Variants in NUP205 observed in about 807,000 individuals in gnomAD.
NUP205 encodes nuclear pore complex protein Nup205.
In NUP205, 76 loss-of-function variants were observed where a neutral mutation model predicts 253.8. The observed-to-expected ratio is 0.30, with a 90% CI of 0.25 to 0.36. NUP205 has a LOEUF of 0.36. NUP205 is among the 10% of genes least tolerant of loss of function. NUP205 has a pLI of 1.00. For missense variants in NUP205, 2,162 were observed against 2,425.5 expected, an observed-to-expected ratio of 0.89 and a Z score of 2.28; for synonymous variants, 832 against 850.1, an observed-to-expected ratio of 0.98 and a Z score of 0.37.
intron 38 of NUP205, among the ~76,000 whole-genome samples, chr7:135,639,860 A>G (rs1187691049): frequency 1.3e-5 from 2 of 152,254 alleles, no homozygotes; most frequent in Non-Finnish European, 2.9e-5. Context: ...CATATACACC[A>G]TGGAATACTA....
chr7:135,583,899 T>C (rs1385876412), intron 7 of NUP205, among the ~76,000 whole-genome samples: 2 of 151,000 alleles, frequency 1.3e-5, no homozygotes, highest in South Asian at 2.1e-4. Flanking sequence ...TGGCGTGCAA[T>C]GGCGTGATCG....
At position 135,573,829 on chromosome 7, in the gene NUP205, G is replaced by C. The variant is rs768857263; in HGVS notation, c.343+4G>C. The C allele has an allele frequency of 1.5e-5, 24 of 1,605,348 alleles. No homozygotes were observed. Among genetic ancestry groups the C allele is most frequent in the Admixed American group, 3.5e-5 (2 of 57,954 alleles). ...GCTGTTGAGCTTCTTCTTGCTGGTA[G>C]GTTGACATTTAACTGAAACAGTGGT... On this transcript the variant is annotated splice_donor_region_variant and intron_variant, in intron 3 of 42. Transcript: ENST00000285968.
At chr7:135,621,987 A>G (rs1442806342) in intron 30 of NUP205, among the ~76,000 whole-genome samples, 2 of 151,910 alleles carry the variant, frequency 1.3e-5, no homozygotes, top group East Asian at 3.9e-4. Context: ...TATTTTTAGT[A>G]GAGACGGGGT....
At chr7:135,605,341 T>A (rs1794064184) in intron 19 of NUP205, among the ~76,000 whole-genome samples, 1 of 152,174 alleles carries the variant, frequency 6.6e-6, no homozygotes, top group Admixed American at 6.5e-5. Context: ...TATTGTGTAG[T>A]CCTTCATAGA....
At chr7:135,604,539 A>C (rs1378556208) in intron 19 of NUP205, 79 bp downstream of exon 19, 1 of 1,347,798 alleles carries the variant, frequency 7.4e-7, no homozygotes, top group Non-Finnish European at 1.0e-6. Flanking sequence ...GTGTCTATGG[A>C]GGAATCATAT....
chr7:135,609,405 G>A lies in NUP205; in HGVS notation c.3195+2034G>A, dbSNP rs555916507. On this transcript the variant is annotated intron_variant, in intron 22 of 42. Transcript: ENST00000285968. ...AGGCAGGAGAATGGCGTGAACCCGGGAGGTGGAGCTTGCAGTGAGCCGAGA... is the reference window on the plus strand; with the variant it reads ...AGGCAGGAGAATGGCGTGAACCCGGAAGGTGGAGCTTGCAGTGAGCCGAGA... 1.3e-3 allele frequency among the ~76,000 whole-genome samples: 191 copies of A among 151,992 alleles called. 1 individual carries two copies. Among genetic ancestry groups the A allele is most frequent in the African/African-American group, 4.4e-3 (182 of 41,470 alleles).
At chr7:135,578,967 A>C in intron 7 of NUP205, 52 bp downstream of exon 7, 1 of 1,443,098 alleles carries the variant, frequency 6.9e-7, no homozygotes, top group Admixed American at 2.3e-5. Flanking sequence ...TTAGCACTTA[A>C]TGACATTTTT....
intron 34 of NUP205, 103 bp from the exon 35 acceptor site, chr7:135,630,241 A>T: frequency 1.2e-6 from 1 of 807,626 alleles, no homozygotes; most frequent in Non-Finnish European, 1.8e-6. Flanking sequence ...GTAAAGTTGA[A>T]GGTTACTTCC....
chr7:135,564,374 G>A (rs1805687189), intron 1 of NUP205, among the ~76,000 whole-genome samples: 1 of 151,546 alleles, frequency 6.6e-6, no homozygotes, highest in South Asian at 2.1e-4. Flanking sequence ...GGCCTCCCAA[G>A]TAACTGGGAT....
At chr7:135,565,858 A>G (rs778307570) in intron 1 of NUP205, among the ~76,000 whole-genome samples, 3 of 152,162 alleles carry the variant, frequency 2.0e-5, no homozygotes, top group Admixed American at 2.0e-4. Context: ...AAATTCCATC[A>G]TGGCCCTGGA....
At chr7:135,640,166 G>T (rs1196174147) in intron 38 of NUP205, among the ~76,000 whole-genome samples, 1 of 152,128 alleles carries the variant, frequency 6.6e-6, no homozygotes, top group Admixed American at 6.5e-5. Flanking sequence ...CATGGCACAT[G>T]TATACCTATG....
chr7:135,592,982 T>G lies in NUP205; in HGVS notation c.1625-5T>G. ...AATAAAATTCTGTGCTGTTTTTCTTTATAGTTGAAAATATTCAGGGAGCAG... is the reference window on the plus strand; with the variant it reads ...AATAAAATTCTGTGCTGTTTTTCTTGATAGTTGAAAATATTCAGGGAGCAG... On this transcript the variant is annotated splice_polypyrimidine_tract_variant and splice_region_variant and intron_variant, in intron 11 of 42. Coordinates refer to ENST00000285968, the MANE Select transcript of NUP205 (RefSeq NM_015135.3). 6.2e-7 allele frequency: 1 copy of G among 1,600,822 alleles called. No individual in the cohort carries two copies. The highest frequency in any genetic ancestry group is 8.6e-7 in the Non-Finnish European group (1 of 1,168,406).
At position 135,614,335 on chromosome 7, in the gene NUP205, A is replaced by G; in HGVS notation, c.3310+62A>G. On this transcript the variant is annotated intron_variant, in intron 23 of 42. Transcript: ENST00000285968. ...TTATAATTCCATGTTAAGTGATTTTATTTATACAATATTTGGGGGAATTCT... is the reference window on the plus strand; with the variant it reads ...TTATAATTCCATGTTAAGTGATTTTGTTTATACAATATTTGGGGGAATTCT... 1.0e-5 allele frequency: 9 copies of G among 903,302 alleles called. No individual in the cohort carries two copies. The South Asian group carries it at 1.2e-4, about 12-fold the overall frequency. The allele number at this position is 903,302 out of a possible 1,614,324, so 56.0% of individuals were successfully genotyped here.
At chr7:135,559,085 A>G (rs1017080125) in intron 1 of NUP205, among the ~76,000 whole-genome samples, 4 of 152,214 alleles carry the variant, frequency 2.6e-5, no homozygotes, top group African/African-American at 9.6e-5. Flanking sequence ...CCTTTGGAGT[A>G]GTTACTGTTA....
chr7:135,580,470 C>T (rs1351656788), intron 7 of NUP205, among the ~76,000 whole-genome samples: 2 of 151,990 alleles, frequency 1.3e-5, no homozygotes, highest in African/African-American at 2.4e-5. Context: ...TTAATATCTT[C>T]TTTTTTTATT....
chr7:135,622,747 G>A (rs1794501500), intron 30 of NUP205, 30 bp from the exon 31 acceptor site: 3 of 1,607,440 alleles, frequency 1.9e-6, no homozygotes, highest in East Asian at 2.2e-5. Flanking sequence ...CTTTTTACTG[G>A]AGTGTTTTTT....
At chr7:135,623,973 G>A (rs1481940611) in intron 31 of NUP205, among the ~76,000 whole-genome samples, 4 of 151,932 alleles carry the variant, frequency 2.6e-5, no homozygotes, top group Admixed American at 6.6e-5. Context: ...TAGTAGAGAC[G>A]GGGTTTCACC....
intron 16 of NUP205, 65 bp downstream of exon 16, chr7:135,601,034 G>A (rs1793955247): frequency 1.3e-6 from 1 of 785,982 alleles, no homozygotes; most frequent in Non-Finnish European, 2.1e-6. Context: ...TTATGGCTAT[G>A]TTATATATAA....
intron 34 of NUP205, 102 bp from the exon 35 acceptor site, chr7:135,630,242 G>A: frequency 1.2e-6 from 1 of 837,386 alleles, no homozygotes; most frequent in Non-Finnish European, 1.7e-6. Flanking sequence ...TAAAGTTGAA[G>A]GTTACTTCCT....
Sources: allele counts gnomAD v4.1 joint callset (sites outside exome capture counted in the v4.1 genomes callset), GRCh38; gene constraint gnomAD v4.1.1; transcripts MANE v1.5; gene names NCBI Gene and HGNC (gene_info 2026-07-23, HGNC 2026-07-21).